Variants in RAPGEF2 observed in about 807,000 individuals in gnomAD.
RAPGEF2 encodes PDZ domain containing guanine nucleotide exchange factor (GEF) 1.
Under a neutral mutation model 186.7 loss-of-function variants are expected in RAPGEF2, and 54 were observed. The ratio of observed to expected loss-of-function variants is 0.29; its 90% CI spans 0.23 to 0.36. The LOEUF is 0.36. Among genes scored for constraint, RAPGEF2 ranks in the 10% least tolerant of loss-of-function variants. The probability of loss-of-function intolerance (pLI) is 1.00; values close to 1 mark genes in which losing one functional copy is unlikely to be tolerated. For synonymous variants in RAPGEF2, 712 were observed against 705.9 expected, an observed-to-expected ratio of 1.01 and a Z score of -0.14; for missense variants, 1,532 against 2,045.0, an observed-to-expected ratio of 0.75 and a Z score of 4.84.
chr4:159,351,401 A>G (rs141665581), intron 26 of RAPGEF2, among the ~76,000 whole-genome samples: 3,117 of 152,326 alleles, frequency 0.02, 55 homozygotes, highest in Middle Eastern at 0.14. Context: ...AAATGAACAC[A>G]TTAAATCTTA....
In RAPGEF2 at chr4:159,353,476, TA is replaced by T; in HGVS notation, c.4092-9del. The stretch of plus-strand genomic sequence containing the variant: ...TTTTTTTTTTCTTTTCCATTTCTTT[TA>T]ACCACTTAGGTCCTATGCACCAATG... On this transcript the variant is annotated splice_polypyrimidine_tract_variant and intron_variant, in intron 27 of 29. Transcript: ENST00000691494. This position sits in a 1 kb window ranked among gnomAD's most constrained non-coding sequence, Gnocchi z 4.3. 2.1e-6 allele frequency: 3 copies of T among 1,408,238 alleles called. No individual in the cohort carries two copies. Among genetic ancestry groups the T allele is most frequent in the Non-Finnish European group, 2.8e-6 (3 of 1,075,912 alleles). The allele number at this position is 1,408,238 out of a possible 1,614,324, so 87.2% of individuals were successfully genotyped here.
At chr4:159,332,735 T>C (rs1162758205) in intron 17 of RAPGEF2, 38 bp downstream of exon 17, 1 of 1,596,180 alleles carries the variant, frequency 6.3e-7, no homozygotes, top group South Asian at 1.1e-5. Context: ...ATTATTTTAT[T>C]TTGTTAAAAT....
intron 1 of RAPGEF2, among the ~76,000 whole-genome samples, chr4:159,154,862 T>C (rs1743954365): frequency 6.6e-6 from 1 of 152,200 alleles, no homozygotes; most frequent in Non-Finnish European, 1.5e-5. Flanking sequence ...AAGACAAATA[T>C]TCTCTTTTGT....
chr4:159,304,574 A>C, intron 8 of RAPGEF2, 101 bp downstream of exon 8: 1 of 1,109,730 alleles, frequency 9.0e-7, no homozygotes, highest in Non-Finnish European at 1.3e-6. Context: ...ATATGTGTAT[A>C]TTACATGTGC....
At chr4:159,229,137 A>G (rs1208066251) in intron 4 of RAPGEF2, among the ~76,000 whole-genome samples, 1 of 152,184 alleles carries the variant, frequency 6.6e-6, no homozygotes, top group African/African-American at 2.4e-5. Flanking sequence ...GGGGTGTGAA[A>G]AAATTGATGT....
intron 1 of RAPGEF2, among the ~76,000 whole-genome samples, chr4:159,134,046 T>G (rs747210999): frequency 1.3e-5 from 2 of 152,184 alleles, no homozygotes; most frequent in Non-Finnish European, 2.9e-5. Context: ...TTGTATACAG[T>G]CATGTCACCA....
intron 7 of RAPGEF2, among the ~76,000 whole-genome samples, chr4:159,303,500 CTT>C (rs1579850037): frequency 6.6e-6 from 1 of 151,914 alleles, no homozygotes; most frequent in South Asian, 2.1e-4. Context: ...AATATAATGT[CTT>C]TTTTTATTCA....
At chr4:159,175,000 T>C (rs1746313578) in intron 1 of RAPGEF2, among the ~76,000 whole-genome samples, 1 of 152,168 alleles carries the variant, frequency 6.6e-6, no homozygotes, top group Admixed American at 6.5e-5. Flanking sequence ...ACTCAAGCCA[T>C]TTGTGGGGAT....
Position 159,243,785 on chromosome 4 carries a change from A to G in RAPGEF2, c.537A>G (p.Lys179=). ...LPRGYHTECT[K]SQLPADFTKL... is the part of the protein sequence containing the mutation. Reference sequence around the variant, plus strand: ...ATTTTGGCTCAAAGGAATGCACTAAATCTCAGGTATTGTAATTTGTGTGTG... The same window carrying G: ...ATTTTGGCTCAAAGGAATGCACTAAGTCTCAGGTATTGTAATTTGTGTGTG... The change falls in exon 7 of 30, where the codon AAA becomes AAG. Residue 179 remains lysine (K), a synonymous_variant. Coordinates refer to ENST00000691494, the MANE Select transcript of RAPGEF2 (RefSeq NM_001394067.2). The G allele has an allele frequency of 7.8e-7, 1 of 1,282,870 alleles. No individual in the cohort carries two copies. Among genetic ancestry groups the G allele is most frequent in the Non-Finnish European group, 1.0e-6 (1 of 982,684 alleles). 79.5% of individuals were successfully genotyped at this position (1,282,870 alleles called of 1,614,324 possible). A position where few individuals can be genotyped will look rare whatever the true frequency, so the allele number is the denominator to read the frequency against.
intron 7 of RAPGEF2, among the ~76,000 whole-genome samples, chr4:159,269,903 A>G (rs1186386737): frequency 2.0e-5 from 3 of 152,234 alleles, no homozygotes. Context: ...AAAACACATT[A>G]CTACATTTAT....
rs558261814 is a variant in RAPGEF2 at position 159,128,068 on chromosome 4, AT to A, written c.69+23841del. Among the ~76,000 whole-genome samples the A allele has an allele frequency of 1.1e-4, 17 of 152,298 alleles. No homozygotes were observed. In the East Asian group the frequency reaches 2.9e-3, roughly 26 times the overall value. ...GTATATATATGTTTGCTTTCCTTGA[AT>A]TTTGAACTCCCTGTTTTATACATGT... is the stretch of plus-strand genomic sequence containing the variant. On this transcript the variant is annotated intron_variant, in intron 1 of 29. Transcript: ENST00000691494.
intron 4 of RAPGEF2, among the ~76,000 whole-genome samples, chr4:159,220,643 C>T (rs1293520117): frequency 6.6e-6 from 1 of 152,188 alleles, no homozygotes; most frequent in Non-Finnish European, 1.5e-5. Flanking sequence ...ATATCCACCA[C>T]ATTGTTATCA....
intron 1 of RAPGEF2, among the ~76,000 whole-genome samples, chr4:159,163,549 AT>A (rs1404230369): frequency 6.6e-6 from 1 of 152,270 alleles, no homozygotes; most frequent in Non-Finnish European, 1.5e-5. Context: ...ATTTAGGCTT[AT>A]GTGCAAAAAT....
intron 7 of RAPGEF2, among the ~76,000 whole-genome samples, chr4:159,274,915 T>C (rs1758636229): frequency 6.6e-6 from 1 of 152,212 alleles, no homozygotes; most frequent in Non-Finnish European, 1.5e-5. Flanking sequence ...CAATGGTCCC[T>C]GCCACTCACT....
At chr4:159,355,806 T>C in intron 28 of RAPGEF2, 47 bp from the exon 29 acceptor site, 2 of 1,434,932 alleles carry the variant, frequency 1.4e-6, no homozygotes, top group Non-Finnish European at 1.9e-6. Context: ...AATAAACTTT[T>C]GTGGCATGAA....
intron 3 of RAPGEF2, among the ~76,000 whole-genome samples, chr4:159,208,900 T>G (rs1198650733): frequency 6.6e-6 from 1 of 151,960 alleles, no homozygotes; most frequent in Non-Finnish European, 1.5e-5. Context: ...TTTTTTTTTT[T>G]GTTTTTGAGA....
intron 4 of RAPGEF2, among the ~76,000 whole-genome samples, chr4:159,232,616 C>A (rs1400975195): frequency 1.3e-5 from 2 of 152,096 alleles, no homozygotes; most frequent in Non-Finnish European, 2.9e-5. Flanking sequence ...CTGTTTGAGT[C>A]CCTGCTCTCA....
chr4:159,356,463 G>A (rs759241312), intron 29 of RAPGEF2, among the ~76,000 whole-genome samples: 1 of 151,142 alleles, frequency 6.6e-6, no homozygotes, highest in Non-Finnish European at 1.5e-5. Flanking sequence ...ATTGCTTTCT[G>A]TGTGTCTGTG....
chr4:159,141,360 G>A (rs985100294), intron 1 of RAPGEF2, among the ~76,000 whole-genome samples: 1 of 152,052 alleles, frequency 6.6e-6, no homozygotes, highest in African/African-American at 2.4e-5. Context: ...TCAAAGGTCA[G>A]CCTCATTCTG....
Sources: gnomAD v4.1 joint callset for allele counts (sites outside exome capture counted in the v4.1 genomes callset) on GRCh38, gnomAD v4.1.1 for gene constraint, Gnocchi (gnomAD v3.1) non-coding constraint, MANE v1.5 for transcripts, NCBI Gene and HGNC (gene_info 2026-07-23, HGNC 2026-07-21) for gene names.